The following GPC5 variants were observed in gnomAD, a reference collection of about 807,000 sequenced individuals.
GPC5 encodes glypican-5.
In GPC5, 47 loss-of-function variants were observed where a neutral mutation model predicts 53.9. That is an observed-to-expected ratio of 0.87 (90% CI 0.69 to 1.11). The LOEUF (loss-of-function observed/expected upper bound fraction) is 1.11. Among genes scored for constraint, GPC5 ranks in the 50% most tolerant of loss-of-function variants. GPC5 has a pLI of 0.00. For missense variants in GPC5, 748 were observed against 713.1 expected, an observed-to-expected ratio of 1.05 and a Z score of -0.56; for synonymous variants, 286 against 263.3, an observed-to-expected ratio of 1.09 and a Z score of -0.84.
At chr13:91,635,609 A>G (rs2034266830) in intron 2 of GPC5, among the ~76,000 whole-genome samples, 1 of 152,106 alleles carries the variant, frequency 6.6e-6, no homozygotes, top group East Asian at 1.9e-4. Context: ...ATTATGTTAC[A>G]CTGATATCTT....
chr13:92,580,135 A>G (rs1329301075), intron 7 of GPC5, among the ~76,000 whole-genome samples: 2 of 152,198 alleles, frequency 1.3e-5, no homozygotes, highest in African/African-American at 4.8e-5. Context: ...TCAAGGGGAA[A>G]ATGCTGAGGG....
chr13:91,404,281 A>G (rs1877163101), intron 1 of GPC5, among the ~76,000 whole-genome samples: 1 of 152,222 alleles, frequency 6.6e-6, no homozygotes, highest in African/African-American at 2.4e-5. Context: ...AAACAGACAT[A>G]ATTTATAGAT....
rs202121977 is a variant in GPC5 at position 92,596,478 on chromosome 13, C to CATTATT, written c.1562-269797_1562-269792dup. The stretch of plus-strand genomic sequence containing the variant: ...TATATATATTCAGTATAATAATAAT[C>CATTATT]ATTATTATTATTTTGAGACAGAGTC... On this transcript the variant is annotated intron_variant, in intron 7 of 7. Transcript: ENST00000377067. Among the ~76,000 whole-genome samples the CATTATT allele has an allele frequency of 8.2e-3, 1,232 of 150,876 alleles. 17 individuals are homozygous for CATTATT. The highest frequency in any genetic ancestry group is 0.028 in the African/African-American group (1,147 of 41,182).
At chr13:92,690,681 T>C (rs1887356095) in intron 7 of GPC5, among the ~76,000 whole-genome samples, 1 of 140,904 alleles carries the variant, frequency 7.1e-6, no homozygotes, top group Non-Finnish European at 1.5e-5. Context: ...TTCTGTTTTT[T>C]CCCCATCTTT....
At chr13:91,976,114 A>T (rs1195700361) in intron 6 of GPC5, among the ~76,000 whole-genome samples, 3 of 152,058 alleles carry the variant, frequency 2.0e-5, no homozygotes, top group Non-Finnish European at 4.4e-5. Flanking sequence ...CGCTCTGGGG[A>T]CTGTTATGGG....
At chr13:91,447,642 A>G (rs187330819) in intron 1 of GPC5, among the ~76,000 whole-genome samples, 2 of 152,228 alleles carry the variant, frequency 1.3e-5, no homozygotes, top group Non-Finnish European at 2.9e-5. Context: ...TGTGTGGAAA[A>G]AGTAGGAAGG....
intron 5 of GPC5, among the ~76,000 whole-genome samples, chr13:91,882,541 AC>A (rs1206741326): frequency 1.3e-5 from 2 of 151,740 alleles, no homozygotes; most frequent in African/African-American, 4.8e-5. Flanking sequence ...TACTTTATTA[AC>A]CTTTATACAT....
At chr13:91,826,907 G>C (rs1458310652) in intron 5 of GPC5, among the ~76,000 whole-genome samples, 1 of 151,990 alleles carries the variant, frequency 6.6e-6, no homozygotes, top group African/African-American at 2.4e-5. Flanking sequence ...TTTAAGAGTG[G>C]AAAGATGGTT....
rs1555306318 is a variant in GPC5, at chr13:91,432,203, C to CTGCTGCTGTG, written c.164-16556_164-16555insCTGCTGTGTG. On this transcript the variant is annotated intron_variant, in intron 1 of 7. Transcript: ENST00000377067. ...GCTTCCACTGCTGCTGCTGCTGCTG[C>CTGCTGCTGTG]TGTGTGTGTGTGTGTGTGTGTGTGT... Among the ~76,000 whole-genome samples the CTGCTGCTGTG allele has an allele frequency of 6.5e-3, 883 of 136,356 alleles. 18 individuals carry two copies. Among genetic ancestry groups the CTGCTGCTGTG allele is most frequent in the African/African-American group, 0.024 (850 of 36,000 alleles). 89.5% of individuals were successfully genotyped at this position (136,356 alleles called of 152,430 possible).
At chr13:91,710,291 T>C (rs537879539) in intron 3 of GPC5, among the ~76,000 whole-genome samples, 2 of 152,348 alleles carry the variant, frequency 1.3e-5, no homozygotes, top group South Asian at 4.1e-4. Flanking sequence ...TTTTATTGAA[T>C]CTTAAATTAC....
chr13:92,602,713 A>G (rs1454757084), intron 7 of GPC5, among the ~76,000 whole-genome samples: 1 of 152,184 alleles, frequency 6.6e-6, no homozygotes, highest in African/African-American at 2.4e-5. Flanking sequence ...CAATTCCAAG[A>G]GGGAAATTAG....
chr13:91,508,144 A>G (rs600498), intron 2 of GPC5, among the ~76,000 whole-genome samples: 139,238 of 152,120 alleles, frequency 0.92, 64,918 homozygotes, highest in Non-Finnish European at 1. Context: ...TTCAAAATGG[A>G]CAACATTTGG....
intron 6 of GPC5, among the ~76,000 whole-genome samples, chr13:92,004,999 A>G (rs1159807481): frequency 6.6e-6 from 1 of 152,086 alleles, no homozygotes; most frequent in African/African-American, 2.4e-5. Flanking sequence ...TGCCACCCAA[A>G]TTGAGGGTGG....
At chr13:92,470,462 A>T (rs959323676) in intron 7 of GPC5, among the ~76,000 whole-genome samples, 2 of 152,064 alleles carry the variant, frequency 1.3e-5, no homozygotes, top group Non-Finnish European at 2.9e-5. Flanking sequence ...TATATTTTCT[A>T]TGTATTTTCT....
At chr13:91,987,738 T>C (rs1418931978) in intron 6 of GPC5, among the ~76,000 whole-genome samples, 1 of 146,194 alleles carries the variant, frequency 6.8e-6, no homozygotes, top group Non-Finnish European at 1.5e-5. Context: ...ATATAAATAC[T>C]ATATATAGTA....
At chr13:92,146,741 A>G (rs2041870024) in intron 7 of GPC5, among the ~76,000 whole-genome samples, 1 of 152,106 alleles carries the variant, frequency 6.6e-6, no homozygotes, top group Non-Finnish European at 1.5e-5. Flanking sequence ...AGGTCCCACT[A>G]TGAATGAGAA....
At chr13:92,427,300 T>C (rs1250207920) in intron 7 of GPC5, among the ~76,000 whole-genome samples, 1 of 149,498 alleles carries the variant, frequency 6.7e-6, no homozygotes, top group Non-Finnish European at 1.5e-5. Context: ...TGGTCTCCAT[T>C]GTTTTGCAGT....
chr13:92,631,752 T>C (rs937760548), intron 7 of GPC5, among the ~76,000 whole-genome samples: 1 of 151,872 alleles, frequency 6.6e-6, no homozygotes, highest in African/African-American at 2.4e-5. Flanking sequence ...ATTTTGGGGG[T>C]GTCAATATGA....
chr13:91,682,037 T>C (rs1006860632), intron 2 of GPC5, among the ~76,000 whole-genome samples: 7 of 152,208 alleles, frequency 4.6e-5, no homozygotes, highest in African/African-American at 1.4e-4. Flanking sequence ...ATATGTGATA[T>C]ATATGGTTCC....
Sources: gnomAD v4.1 joint callset for allele counts (sites outside exome capture counted in the v4.1 genomes callset) on GRCh38, gnomAD v4.1.1 for gene constraint, MANE v1.5 for transcripts, NCBI Gene and HGNC (gene_info 2026-07-23, HGNC 2026-07-21) for gene names.